The following PCSK2 variants were observed in gnomAD, a reference collection of about 807,000 sequenced individuals.
PCSK2 encodes proprotein convertase subtilisin/kexin type 2, also known as neuroendocrine convertase 2.
A neutral mutation model predicts 69.7 loss-of-function variants in PCSK2; 14 were observed. That is an observed-to-expected ratio of 0.20 (90% CI 0.13 to 0.31). The LOEUF (loss-of-function observed/expected upper bound fraction) is 0.31, where lower values mean the gene tolerates loss of function less well. PCSK2 is among the 10% of genes least tolerant of loss of function. PCSK2 has a pLI of 1.00. For synonymous variants in PCSK2, 307 were observed against 320.7 expected, an observed-to-expected ratio of 0.96 and a Z score of 0.46; for missense variants, 544 against 842.5, an observed-to-expected ratio of 0.65 and a Z score of 4.39.
chr20:17,442,830 C>T (rs1234005055), intron 8 of PCSK2, among the ~76,000 whole-genome samples: 3 of 152,176 alleles, frequency 2.0e-5, no homozygotes, highest in Non-Finnish European at 4.4e-5. Context: ...GCACACCTCT[C>T]GTTAGAGGAC....
chr20:17,231,820 C>T (rs953357577), intron 1 of PCSK2, among the ~76,000 whole-genome samples: 4 of 152,246 alleles, frequency 2.6e-5, no homozygotes, highest in Admixed American at 6.5e-5. Flanking sequence ...AGCATTTTCA[C>T]GGCTTTAAAG....
intron 11 of PCSK2, among the ~76,000 whole-genome samples, chr20:17,476,319 A>G (rs2033288504): frequency 6.6e-6 from 1 of 152,234 alleles, no homozygotes; most frequent in African/African-American, 2.4e-5. Context: ...CGCACTGTCC[A>G]GTACAGACGC....
intron 2 of PCSK2, among the ~76,000 whole-genome samples, chr20:17,328,662 C>A (rs1042858622): frequency 6.6e-6 from 1 of 151,930 alleles, no homozygotes; most frequent in African/African-American, 2.4e-5. Context: ...AGTTCAAAGT[C>A]GAAAAAGGTT....
At chr20:17,283,710 C>T (rs373669212) in intron 2 of PCSK2, among the ~76,000 whole-genome samples, 66 of 152,206 alleles carry the variant, frequency 4.3e-4, no homozygotes, top group African/African-American at 1.4e-3. Flanking sequence ...TTTCCTGCAC[C>T]GAAGAACTAA....
intron 2 of PCSK2, among the ~76,000 whole-genome samples, chr20:17,331,304 C>T (rs547377833): frequency 3.3e-5 from 5 of 152,254 alleles, no homozygotes; most frequent in South Asian, 2.1e-4. Flanking sequence ...CAAATAACCC[C>T]GTACAGTTTA....
chr20:17,281,859 T>C (rs1348737532), intron 2 of PCSK2, among the ~76,000 whole-genome samples: 2 of 152,238 alleles, frequency 1.3e-5, no homozygotes, highest in African/African-American at 4.8e-5. Flanking sequence ...TGGTCCCACC[T>C]ATGGATAAAG....
chr20:17,356,569 G>C (rs1448623242), intron 2 of PCSK2, among the ~76,000 whole-genome samples: 1 of 152,210 alleles, frequency 6.6e-6, no homozygotes, highest in African/African-American at 2.4e-5. Flanking sequence ...TCTTCCTGCT[G>C]TCATTCTCGA....
intron 2 of PCSK2, among the ~76,000 whole-genome samples, chr20:17,285,361 C>T (rs1988475929): frequency 6.6e-6 from 1 of 152,132 alleles, no homozygotes; most frequent in Non-Finnish European, 1.5e-5. Flanking sequence ...ACTTTATTAC[C>T]ATGTCGATTG....
At chr20:17,476,528 C>T (rs1269033442) in intron 11 of PCSK2, among the ~76,000 whole-genome samples, 1 of 151,952 alleles carries the variant, frequency 6.6e-6, no homozygotes, top group Non-Finnish European at 1.5e-5. Flanking sequence ...CAATGCTGGT[C>T]TAGACATTTG....
chr20:17,381,857 T>A (rs1309070902), intron 5 of PCSK2, among the ~76,000 whole-genome samples: 1 of 152,176 alleles, frequency 6.6e-6, no homozygotes, highest in Admixed American at 6.5e-5. Context: ...AAGGAGCCAG[T>A]CCCTGTGTAG....
intron 2 of PCSK2, among the ~76,000 whole-genome samples, chr20:17,331,821 T>C (rs55818307): frequency 0.025 from 3,755 of 150,966 alleles, 167 homozygotes; most frequent in African/African-American, 0.086. Flanking sequence ...ATTTGATAAA[T>C]GGTAACTAAG....
intron 5 of PCSK2, among the ~76,000 whole-genome samples, chr20:17,397,010 G>A (rs185303405): frequency 6.6e-6 from 1 of 152,110 alleles, no homozygotes; most frequent in Admixed American, 6.6e-5. Context: ...GCGATACTCA[G>A]GTCAAATTTG....
rs1027052464 is a variant in PCSK2, at chr20:17,331,844, A to G, written c.283-26483A>G. Among the ~76,000 whole-genome samples, 3 of 152,116 alleles carry G rather than the reference A, an allele frequency of 2.0e-5. No individual in the cohort carries two copies. In the South Asian group the frequency reaches 6.2e-4, roughly 32 times the overall value. ...AATGGTAACTAAGACTCAGAAAAGT[A>G]AAGTAATTGGGTCAAAATCAAACCT... On this transcript the variant is annotated intron_variant, in intron 2 of 11. Transcript: ENST00000262545.
At chr20:17,437,138 G>T (rs1014216656) in intron 8 of PCSK2, among the ~76,000 whole-genome samples, 63 of 19,430 alleles carry the variant, frequency 3.2e-3, no homozygotes, top group Non-Finnish European at 6.8e-3. Flanking sequence ...GGAAGGGGCC[G>T]GGGGGGGGAG....
chr20:17,453,084 T>C lies in PCSK2; in HGVS notation c.886-658T>C, dbSNP rs1317194712. On this transcript the variant is annotated intron_variant, in intron 8 of 11. Coordinates refer to ENST00000262545, the MANE Select transcript of PCSK2 (RefSeq NM_002594.5). The surrounding 1 kb of genome is among the most constrained non-coding windows in gnomAD (Gnocchi z 4.0). Reference sequence around the variant, plus strand: ...AGTAAAATGTCATATATTATGTGTTTAAAAGGATTCTAGTATCCAATTGAA... The same window carrying C: ...AGTAAAATGTCATATATTATGTGTTCAAAAGGATTCTAGTATCCAATTGAA... 6.6e-6 allele frequency among the ~76,000 whole-genome samples: 1 copy of C among 152,220 alleles called. No homozygotes were observed. The highest frequency in any genetic ancestry group is 6.5e-5 in the Admixed American group (1 of 15,280).
At chr20:17,375,933 T>G (rs916908790) in intron 5 of PCSK2, among the ~76,000 whole-genome samples, 5 of 152,218 alleles carry the variant, frequency 3.3e-5, no homozygotes, top group African/African-American at 4.8e-5. Flanking sequence ...TTCCTACCCC[T>G]TGACTTTGGA....
intron 2 of PCSK2, among the ~76,000 whole-genome samples, chr20:17,282,276 T>C (rs151248582): frequency 5.3e-5 from 8 of 152,240 alleles, no homozygotes; most frequent in African/African-American, 1.9e-4. Context: ...TATGTATATA[T>C]ATGTATATTC....
chr20:17,443,299 A>G (rs1462032904), intron 8 of PCSK2, among the ~76,000 whole-genome samples: 1 of 152,210 alleles, frequency 6.6e-6, no homozygotes, highest in Non-Finnish European at 1.5e-5. Flanking sequence ...CATTTGAGTG[A>G]CACAATGCGG....
chr20:17,410,594 G>A (rs1319407416), intron 6 of PCSK2, among the ~76,000 whole-genome samples: 1 of 152,218 alleles, frequency 6.6e-6, no homozygotes, highest in Non-Finnish European at 1.5e-5. Context: ...CACATCACCT[G>A]CAACCTGAAA....
Sources: gnomAD v4.1 joint callset for allele counts (sites outside exome capture counted in the v4.1 genomes callset) on GRCh38, gnomAD v4.1.1 for gene constraint, Gnocchi (gnomAD v3.1) non-coding constraint, MANE v1.5 for transcripts, NCBI Gene and HGNC (gene_info 2026-07-23, HGNC 2026-07-21) for gene names.